The following PAN3 variants were observed in gnomAD, a reference collection of about 807,000 sequenced individuals.
PAN3 encodes the protein PAN2-PAN3 deadenylation complex subunit PAN3.
A neutral mutation model predicts 96.2 loss-of-function variants in PAN3; 19 were observed. The observed-to-expected ratio is 0.20, with a 90% CI of 0.14 to 0.29. PAN3 has a LOEUF of 0.29. Ranked by LOEUF, PAN3 falls within the 10% of genes least tolerant of loss-of-function variation. The pLI is 1.00. For synonymous variants in PAN3, 433 were observed against 406.6 expected (o/e 1.06, Z -0.78); for missense variants, 882 against 1,108.1 (o/e 0.80, Z 2.90).
intron 14 of PAN3, among the ~76,000 whole-genome samples, chr13:28,276,088 C>CA (rs1887033939): frequency 6.6e-6 from 1 of 152,146 alleles, no homozygotes; most frequent in African/African-American, 2.4e-5. Context: ...GTTCTCAATC[C>CA]TGGCTGCATA....
chr13:28,139,657 T>C (rs1305160537), intron 1 of PAN3, among the ~76,000 whole-genome samples: 2 of 151,868 alleles, frequency 1.3e-5, no homozygotes, highest in African/African-American at 2.4e-5. Flanking sequence ...AGGCAGGAAA[T>C]GCTTTCTAAG....
intron 1 of PAN3, among the ~76,000 whole-genome samples, chr13:28,161,316 T>C (rs1872855317): frequency 6.6e-6 from 1 of 152,190 alleles, no homozygotes; most frequent in East Asian, 1.9e-4. Flanking sequence ...ATCTGTTCCA[T>C]GTCTTTCCCC....
intron 5 of PAN3, among the ~76,000 whole-genome samples, chr13:28,199,250 T>G (rs1191044799): frequency 6.6e-6 from 1 of 152,068 alleles, no homozygotes; most frequent in African/African-American, 2.4e-5. Flanking sequence ...GGTGAAACAC[T>G]TACCAATGCA....
chr13:28,178,712 C>T (rs1257901001), intron 4 of PAN3, among the ~76,000 whole-genome samples: 3 of 151,868 alleles, frequency 2.0e-5, no homozygotes, highest in African/African-American at 7.3e-5. Context: ...TTAACTAAAG[C>T]TCAGAAATGA....
chr13:28,164,855 A>G (rs1403107959), intron 1 of PAN3, among the ~76,000 whole-genome samples: 1 of 152,236 alleles, frequency 6.6e-6, no homozygotes, highest in Admixed American at 6.5e-5. Context: ...AAAGTAGGTT[A>G]TAATTGTGTA....
At chr13:28,220,472 A>G (rs1881285422) in intron 6 of PAN3, 94 bp downstream of exon 6, 3 of 1,403,022 alleles carry the variant, frequency 2.1e-6, no homozygotes, top group South Asian at 1.5e-5. Context: ...GTATACTTGA[A>G]TGATTCACAT....
intron 14 of PAN3, among the ~76,000 whole-genome samples, chr13:28,275,630 T>C (rs1279173403): frequency 6.6e-6 from 1 of 152,226 alleles, no homozygotes; most frequent in East Asian, 1.9e-4. Context: ...TTCATGAATA[T>C]AACTTGGAAT....
intron 18 of PAN3, 26 bp from the exon 19 acceptor site, chr13:28,292,356 C>A: frequency 6.6e-7 from 1 of 1,526,188 alleles, no homozygotes; most frequent in South Asian, 1.3e-5. Context: ...TTATGAATTT[C>A]ATATTTTGTG....
intron 6 of PAN3, among the ~76,000 whole-genome samples, chr13:28,230,579 A>C (rs973572171): frequency 6.6e-6 from 1 of 152,194 alleles, no homozygotes; most frequent in African/African-American, 2.4e-5. Context: ...AATAAGAGAA[A>C]ACAACTAAAT....
intron 1 of PAN3, among the ~76,000 whole-genome samples, chr13:28,151,236 C>G (rs1034233531): frequency 7.2e-5 from 11 of 152,084 alleles, no homozygotes; most frequent in African/African-American, 2.4e-4. Context: ...GTTCTGTGGG[C>G]CAGGTGTTGT....
chr13:28,243,749 C>A (rs1883898147), intron 6 of PAN3, among the ~76,000 whole-genome samples: 2 of 152,122 alleles, frequency 1.3e-5, no homozygotes, highest in Non-Finnish European at 2.9e-5. Context: ...AGTGTAGTGG[C>A]ATGATCTCGG....
At chr13:28,195,875 T>C (rs1877985654) in intron 4 of PAN3, among the ~76,000 whole-genome samples, 1 of 152,154 alleles carries the variant, frequency 6.6e-6, no homozygotes, top group African/African-American at 2.4e-5. Context: ...AGATGCACAC[T>C]TGTGGAGTGG....
At chr13:28,274,966 G>A (rs1302824513) in intron 14 of PAN3, among the ~76,000 whole-genome samples, 1 of 152,088 alleles carries the variant, frequency 6.6e-6, no homozygotes, top group African/African-American at 2.4e-5. Context: ...ATGGACATAA[G>A]TAGAGCCATA....
chr13:28,264,820 G>A (rs576111198), intron 9 of PAN3, among the ~76,000 whole-genome samples: 15 of 152,214 alleles, frequency 9.9e-5, no homozygotes, highest in African/African-American at 1.4e-4. Flanking sequence ...TCAGAAACTC[G>A]GGGAATGGGG....
intron 1 of PAN3, among the ~76,000 whole-genome samples, chr13:28,172,447 C>T (rs1298027980): frequency 6.6e-6 from 1 of 151,912 alleles, no homozygotes. Flanking sequence ...CAGAGCGAGA[C>T]TCTGTCTCAA....
At chr13:28,229,458 A>G (rs1162240125) in intron 6 of PAN3, among the ~76,000 whole-genome samples, 3 of 152,198 alleles carry the variant, frequency 2.0e-5, no homozygotes, top group African/African-American at 4.8e-5. Flanking sequence ...GTTCAACTAT[A>G]TGTGCCTCAG....
At chr13:28,204,308 A>G (rs1458222902) in intron 5 of PAN3, among the ~76,000 whole-genome samples, 4 of 152,196 alleles carry the variant, frequency 2.6e-5, no homozygotes, top group African/African-American at 4.8e-5. Flanking sequence ...ACCAATCTGT[A>G]TGTGAATTCA....
intron 1 of PAN3, among the ~76,000 whole-genome samples, chr13:28,144,930 G>A (rs1292455017): frequency 6.6e-6 from 1 of 151,348 alleles, no homozygotes; most frequent in Non-Finnish European, 1.5e-5. Flanking sequence ...ATCTTGGCCA[G>A]GCTGGTCTTG....
chr13:28,187,275 C>T (rs755356607), intron 4 of PAN3, among the ~76,000 whole-genome samples: 4 of 152,034 alleles, frequency 2.6e-5, no homozygotes, highest in East Asian at 1.9e-4. Context: ...TGCAGCGAGC[C>T]GTGTTTGCAC....
Sources: allele counts gnomAD v4.1 joint callset (sites outside exome capture counted in the v4.1 genomes callset), GRCh38; gene constraint gnomAD v4.1.1; transcripts MANE v1.5; gene names NCBI Gene and HGNC (gene_info 2026-07-23, HGNC 2026-07-21).